The following PTPRN2 variants were observed in gnomAD, a reference collection of about 807,000 sequenced individuals.
The protein encoded by PTPRN2 is receptor-type tyrosine-protein phosphatase N2.
A neutral mutation model predicts 118.8 loss-of-function variants in PTPRN2; 74 were observed. The ratio of observed to expected loss-of-function variants is 0.62; its 90% CI spans 0.52 to 0.76. The LOEUF (loss-of-function observed/expected upper bound fraction) is 0.76, where lower values mean the gene tolerates loss of function less well. Among genes scored for constraint, PTPRN2 ranks in the 30% least tolerant of loss-of-function variants. The pLI, the probability that PTPRN2 is intolerant of heterozygous loss-of-function variation, is 0.00. For synonymous variants in PTPRN2, 641 were observed against 608.0 expected, an observed-to-expected ratio of 1.05 and a Z score of -0.80; for missense variants, 1,481 against 1,394.4, an observed-to-expected ratio of 1.06 and a Z score of -0.99.
intron 1 of PTPRN2, among the ~76,000 whole-genome samples, chr7:158,567,400 C>A (rs1235254820): frequency 6.6e-6 from 1 of 152,218 alleles, no homozygotes; most frequent in Non-Finnish European, 1.5e-5. Context: ...ACTCTCCAAA[C>A]AGAATCTATT....
At chr7:157,631,542 CA>C (rs1323512375) in intron 14 of PTPRN2, among the ~76,000 whole-genome samples, 2 of 150,720 alleles carry the variant, frequency 1.3e-5, no homozygotes, top group Non-Finnish European at 3.0e-5. Context: ...ACTAAAAATA[CA>C]AAAAATTAGC....
At chr7:157,782,450 G>A (rs1271521096) in intron 12 of PTPRN2, among the ~76,000 whole-genome samples, 4 of 152,178 alleles carry the variant, frequency 2.6e-5, no homozygotes, top group Non-Finnish European at 2.9e-5. Flanking sequence ...GCTGCAGCCC[G>A]CCCTCCACAG....
chr7:157,541,351 C>T (rs1798005261), intron 22 of PTPRN2, among the ~76,000 whole-genome samples: 1 of 152,242 alleles, frequency 6.6e-6, no homozygotes, highest in South Asian at 2.1e-4. Context: ...TTGTCCACAC[C>T]CCTCCTGGCT....
intron 2 of PTPRN2, among the ~76,000 whole-genome samples, chr7:158,472,232 A>G (rs953747422): frequency 6.6e-6 from 1 of 152,234 alleles, no homozygotes; most frequent in Non-Finnish European, 1.5e-5. Context: ...ACGATGAACC[A>G]CCATAAATTC....
At chr7:157,691,269 G>A (rs954599915) in intron 12 of PTPRN2, among the ~76,000 whole-genome samples, 1 of 151,152 alleles carries the variant, frequency 6.6e-6, no homozygotes, top group Admixed American at 6.6e-5. Flanking sequence ...GGGTAGCACC[G>A]AGGGGAGAGA....
chr7:157,589,576 C>T (rs954997061), intron 17 of PTPRN2, among the ~76,000 whole-genome samples: 10 of 152,298 alleles, frequency 6.6e-5, no homozygotes, highest in African/African-American at 2.4e-4. Flanking sequence ...CCTCCCTAAG[C>T]GGCTTGTTGA....
At chr7:158,516,964 G>A (rs1563381821) in intron 1 of PTPRN2, among the ~76,000 whole-genome samples, 1 of 152,124 alleles carries the variant, frequency 6.6e-6, no homozygotes, top group African/African-American at 2.4e-5. Flanking sequence ...CTACACCATG[G>A]AAAGTCCTCT....
intron 1 of PTPRN2, among the ~76,000 whole-genome samples, chr7:158,556,411 G>T (rs376186969): frequency 2.0e-5 from 3 of 152,018 alleles, no homozygotes; most frequent in Non-Finnish European, 2.9e-5. Context: ...AAAATTAGCC[G>T]GGCATGGTGG....
At chr7:158,252,107 C>A (rs1214711045) in intron 3 of PTPRN2, among the ~76,000 whole-genome samples, 1 of 152,192 alleles carries the variant, frequency 6.6e-6, no homozygotes, top group African/African-American at 2.4e-5. Flanking sequence ...GCCTAAGCAG[C>A]CTGCCTCTCC....
At chr7:158,023,692 T>C (rs1807068707) in intron 11 of PTPRN2, among the ~76,000 whole-genome samples, 2 of 152,078 alleles carry the variant, frequency 1.3e-5, no homozygotes, top group Admixed American at 6.5e-5. Flanking sequence ...TCTTAACCTA[T>C]CTTGAAATGA....
intron 6 of PTPRN2, among the ~76,000 whole-genome samples, chr7:158,147,355 CGT>C (rs1563511174): frequency 1.3e-5 from 1 of 74,578 alleles, no homozygotes; most frequent in African/African-American, 7.9e-5. Context: ...TCTCACGCCA[CGT>C]ATCTTTCCCC....
intron 11 of PTPRN2, among the ~76,000 whole-genome samples, chr7:158,027,170 C>A (rs1807339497): frequency 6.6e-6 from 1 of 152,188 alleles, no homozygotes; most frequent in Admixed American, 6.5e-5. Context: ...CAGGACTTTA[C>A]CCACATGCCT....
intron 2 of PTPRN2, among the ~76,000 whole-genome samples, chr7:158,481,775 T>C (rs949131221): frequency 6.6e-6 from 1 of 152,242 alleles, no homozygotes; most frequent in African/African-American, 2.4e-5. Flanking sequence ...ACTTATATTT[T>C]AGAAACACAC....
intron 1 of PTPRN2, among the ~76,000 whole-genome samples, chr7:158,548,973 G>A (rs535631311): frequency 3.9e-5 from 6 of 152,202 alleles, no homozygotes; most frequent in Non-Finnish European, 7.3e-5. Context: ...GCCCAGGCAC[G>A]GCCAACGCCC....
At position 157,779,718 on chromosome 7, in the gene PTPRN2, C is replaced by T. The variant is rs1803560552; in HGVS notation, c.1789-96781G>A. Among the ~76,000 whole-genome samples, 1 of 152,156 alleles carries T rather than the reference C, an allele frequency of 6.6e-6. No homozygotes were observed. On this transcript the variant is annotated intron_variant, in intron 12 of 22. Transcript: ENST00000389418. The surrounding 1 kb of genome is among the most constrained non-coding windows in gnomAD (Gnocchi z 4.7). The stretch of plus-strand genomic sequence containing the variant: ...CAGAAGGATGTCCTGATGAGGGGTC[C>T]TGAGGGTCTGGGGAAGGCGCTGTGG...
chr7:158,538,739 C>T (rs1481361610), intron 1 of PTPRN2, among the ~76,000 whole-genome samples: 2 of 152,200 alleles, frequency 1.3e-5, no homozygotes, highest in Non-Finnish European at 2.9e-5. Context: ...GGCGGCACCA[C>T]GGGGCGGGAA....
intron 6 of PTPRN2, among the ~76,000 whole-genome samples, chr7:158,146,138 C>T (rs1051805043): frequency 6.6e-6 from 1 of 152,088 alleles, no homozygotes; most frequent in Non-Finnish European, 1.5e-5. Context: ...CATTGTGATC[C>T]TCAGGTGAGA....
intron 13 of PTPRN2, among the ~76,000 whole-genome samples, chr7:157,667,554 C>A (rs1361703902): frequency 6.6e-6 from 1 of 152,254 alleles, no homozygotes; most frequent in Non-Finnish European, 1.5e-5. Flanking sequence ...ACCCCCAGGG[C>A]TGTCCGCACT....
At chr7:158,050,476 C>T (rs1397970986) in intron 11 of PTPRN2, among the ~76,000 whole-genome samples, 1 of 152,238 alleles carries the variant, frequency 6.6e-6, no homozygotes, top group African/African-American at 2.4e-5. Flanking sequence ...CTGGAAACTC[C>T]TCCTGCTGTT....
Sources: gnomAD v4.1 joint callset for allele counts (sites outside exome capture counted in the v4.1 genomes callset) on GRCh38, gnomAD v4.1.1 for gene constraint, Gnocchi (gnomAD v3.1) non-coding constraint, MANE v1.5 for transcripts, NCBI Gene and HGNC (gene_info 2026-07-23, HGNC 2026-07-21) for gene names.